PKN3: variants seen among roughly 807,000 people sequenced by gnomAD.
PKN3 encodes the protein serine/threonine-protein kinase N3.
A neutral mutation model predicts 113.1 loss-of-function variants in PKN3; 91 were observed. That is an observed-to-expected ratio of 0.80 (90% CI 0.68 to 0.96). The LOEUF is 0.96. Ranked by LOEUF, PKN3 falls within the 40% of genes least tolerant of loss-of-function variation. The pLI, the probability that PKN3 is intolerant of heterozygous loss-of-function variation, is 0.00. For synonymous variants in PKN3, 467 were observed against 499.0 expected, an observed-to-expected ratio of 0.94 and a Z score of 0.85; for missense variants, 1,052 against 1,202.2, an observed-to-expected ratio of 0.88 and a Z score of 1.85.
intron 1 of PKN3, chr9:128,703,702 G>A (rs1861921818): frequency 1.0e-6 from 1 of 985,392 alleles, no homozygotes; most frequent in African/African-American, 1.7e-5. Flanking sequence ...CCAACCCAGG[G>A]CAGACGGGAC....
At chr9:128,709,063 A>G (rs1381335207) in intron 6 of PKN3, among the ~76,000 whole-genome samples, 1 of 152,006 alleles carries the variant, frequency 6.6e-6, no homozygotes, top group Non-Finnish European at 1.5e-5. Context: ...AGGCGGGCGG[A>G]TCACGAGGTC....
chr9:128,712,826 G>A (rs77914596), intron 6 of PKN3, among the ~76,000 whole-genome samples: 2 of 152,132 alleles, frequency 1.3e-5, no homozygotes, highest in African/African-American at 4.8e-5. Context: ...CCTTTGGGGG[G>A]CTCATGGTGC....
In PKN3 at chr9:128,702,853, G is replaced by A. The variant is rs1386627215; in HGVS notation, c.-63G>A. 8.2e-7 allele frequency: 1 copy of A among 1,218,078 alleles called. No homozygotes were observed. The highest frequency in any genetic ancestry group is 1.1e-6 in the Non-Finnish European group (1 of 871,592). The allele number at this position is 1,218,078 out of a possible 1,614,324, so 75.5% of individuals were successfully genotyped here. ...TTTCAAGTTTGAAAGTCCTGGCGGA[G>A]GGTCTGCGGCTTCCGGGACCGGAGT... On this transcript the variant is annotated 5_prime_UTR_variant, in exon 1 of 22. Transcript: ENST00000291906.
Position 128,715,095 on chromosome 9 carries a change from G to A in PKN3, c.1653-77G>A. 3 of 1,463,386 alleles carry A rather than the reference G, an allele frequency of 2.1e-6. No individual in the cohort carries two copies. The highest frequency in any genetic ancestry group is 1.1e-5 in the South Asian group (1 of 87,398). 90.7% of individuals were successfully genotyped at this position (1,463,386 alleles called of 1,614,324 possible). ...GTCGGGACAGCCCAGGACTGGGCAT[G>A]GGAGGCTTGGAGTGGCTCTGGGTAG... On this transcript the variant is annotated intron_variant, in intron 13 of 21. Transcript: ENST00000291906. This position sits in a 1 kb window ranked among gnomAD's most constrained non-coding sequence, Gnocchi z 4.1.
chr9:128,712,095 G>C (rs1862197245), intron 6 of PKN3, among the ~76,000 whole-genome samples: 1 of 151,840 alleles, frequency 6.6e-6, no homozygotes, highest in Non-Finnish European at 1.5e-5. Flanking sequence ...TTTTTAGTTG[G>C]GATGGGGTTT....
Position 128,713,515 on chromosome 9 carries a change from T to C in PKN3, c.1109T>C (p.Ile370Thr). The C allele has an allele frequency of 1.2e-6, 2 of 1,613,910 alleles. No homozygotes were observed. Among genetic ancestry groups the C allele is most frequent in the Non-Finnish European group, 8.5e-7 (1 of 1,179,962 alleles). The change falls in exon 9 of 22, where the codon ATT (isoleucine) becomes ACT (threonine). Residue 370 changes from isoleucine (I) to threonine (T), a missense_variant. Ile to Thr is a moderately conservative substitution (Grantham distance 89, BLOSUM62 -1). Around this residue, in one of 2 missense-constraint regions of PKN3, gnomAD observed 719 missense variants for 759.4 expected, o/e 0.95. Transcript: ENST00000291906. Reference protein sequence around the residue: ...IPLERARELEIGVHWRDWRQL... With the variant: ...IPLERARELETGVHWRDWRQL... ...CCAATACAGGCCCGTGAGCTGGAGA[T>C]TGGGGTACACTGGCGGGACTGGCGG...
At chr9:128,713,881 T>C (rs940401262) in intron 9 of PKN3, among the ~76,000 whole-genome samples, 165 bp from the exon 10 acceptor site, 2 of 152,164 alleles carry the variant, frequency 1.3e-5, no homozygotes, top group African/African-American at 4.8e-5. Flanking sequence ...GGCCTCTGTT[T>C]CTCCACTAGT....
chr9:128,715,152 T>A lies in PKN3; in HGVS notation c.1653-20T>A, dbSNP rs1320443375. 2 of 1,612,902 alleles carry A rather than the reference T, an allele frequency of 1.2e-6. No homozygotes were observed. The highest frequency in any genetic ancestry group is 3.3e-5 in the Admixed American group (2 of 59,994). ...AGCCAGTGCCCTAGGGGACTTCATA[T>A]ACCCTCTCTTCCTTTGCAGGAAACC... On this transcript the variant is annotated intron_variant, in intron 13 of 21. Coordinates refer to ENST00000291906, the MANE Select transcript of PKN3 (RefSeq NM_013355.5). This position sits in a 1 kb window ranked among gnomAD's most constrained non-coding sequence, Gnocchi z 4.1.
chr9:128,716,247 G>A (rs116111602), intron 15 of PKN3, among the ~76,000 whole-genome samples: 2,638 of 145,432 alleles, frequency 0.018, 85 homozygotes, highest in African/African-American at 0.064. Context: ...GCAGTGAGCC[G>A]AGATCGCACC....
Sources: gnomAD v4.1 joint callset for allele counts (sites outside exome capture counted in the v4.1 genomes callset) on GRCh38, gnomAD v4.1.1 for gene constraint, gnomAD v4.1.1 regional missense constraint, Gnocchi (gnomAD v3.1) non-coding constraint, MANE v1.5 for transcripts, NCBI Gene and HGNC (gene_info 2026-07-23, HGNC 2026-07-21) for gene names.